KRT26: variants seen among roughly 807,000 people sequenced by gnomAD.
KRT26 encodes the protein keratin, type I cytoskeletal 26.
A neutral mutation model predicts 46.1 loss-of-function variants in KRT26; 45 were observed. The observed-to-expected ratio is 0.98, with a 90% CI of 0.77 to 1.25. The LOEUF (loss-of-function observed/expected upper bound fraction) is 1.25. Ranked by LOEUF, KRT26 falls within the 50% of genes most tolerant of loss-of-function variation. The pLI is 0.00. For missense variants in KRT26, 582 were observed against 560.1 expected, an observed-to-expected ratio of 1.04 and a Z score of -0.39; for synonymous variants, 191 against 209.9, an observed-to-expected ratio of 0.91 and a Z score of 0.78.
chr17:40,766,566 AGAGG>A lies in KRT26; in HGVS notation c.1352_1355del (p.Ser451LeufsTer3). ...GCTCTACTGTAATGTTGCTTATTTT[AGAGG>A]ACTTTTCTTCAACTGAGTGGACTCT... On this transcript the variant is annotated frameshift_variant, in exon 8 of 8. Transcript: ENST00000335552. LOFTEE classifies it low-confidence loss of function (END_TRUNC). 6.2e-7 allele frequency: 1 copy of A among 1,613,718 alleles called. No homozygotes were observed. The highest frequency in any genetic ancestry group is 8.5e-7 in the Non-Finnish European group (1 of 1,179,776).
chr17:40,770,377 A>G (rs1248699586), exon 3 of KRT26: 14 of 1,611,230 alleles, frequency 8.7e-6, no homozygotes, highest in Non-Finnish European at 1.1e-5. Flanking sequence ...GTCGGCCTCA[A>G]CACTGTGGTG....
chr17:40,771,284 A>C (rs1344471400), intron 1 of KRT26, 48 bp from the exon 2 acceptor site: 2 of 1,011,030 alleles, frequency 2.0e-6, no homozygotes, highest in South Asian at 2.8e-5. Context: ...AAGTCAAAGG[A>C]GGCTCCAGAC....
rs777892693 is a variant in KRT26, at chr17:40,768,890, A to T, written c.1176T>A (p.Asp392Glu). ...AAGTTAATCTTTACCTTTCTTCTCC[A>T]TCTAGTAAGTTGCAATAAATGTCAA... The change falls in exon 6 of 8, where the codon GAT becomes GAA. Residue 392 changes from aspartate (D) to glutamate (E), a missense_variant. Asp to Glu is a conservative substitution (Grantham distance 45). Coordinates refer to ENST00000335552, the Ensembl canonical transcript of KRT26. 4.0e-6 allele frequency: 6 copies of T among 1,517,632 alleles called. No individual in the cohort carries two copies. The East Asian group carries it at 1.4e-4, about 35-fold the overall frequency. 94.0% of individuals were successfully genotyped at this position (1,517,632 alleles called of 1,614,324 possible).
intron 2 of KRT26, 44 bp from the exon 3 acceptor site, chr17:40,770,453 G>A (rs781562691): frequency 2.0e-6 from 3 of 1,496,788 alleles, no homozygotes; most frequent in Admixed American, 2.2e-5. Context: ...TCGTAGGCAG[G>A]TGCAAAGCAC....
Position 40,766,476 on chromosome 17 carries a change from CTCTCTT to C in KRT26, c.*33_*38del, listed in dbSNP as rs745568124. The C allele has an allele frequency of 1.0e-3, 1,478 of 1,472,666 alleles. 1 individual carries two copies. Among genetic ancestry groups the C allele is most frequent in the Middle Eastern group, 2.3e-3 (11 of 4,704 alleles). The allele number at this position is 1,472,666 out of a possible 1,614,324, so 91.2% of individuals were successfully genotyped here. On this transcript the variant is annotated 3_prime_UTR_variant, in exon 8 of 8. Transcript: ENST00000335552. ...CCTTTCTTTCTTTCTTTCTCTCTCT[CTCTCTT>C]TCTTTCTTTCTTTCCAAATAACTTT...
At chr17:40,767,376 C>T (rs907103698) in intron 7 of KRT26, among the ~76,000 whole-genome samples, 1 of 152,162 alleles carries the variant, frequency 6.6e-6, no homozygotes, top group Non-Finnish European at 1.5e-5. Flanking sequence ...ATTAATTCCT[C>T]ATTTCAATAA....
At chr17:40,767,547 T>A in intron 7 of KRT26, 39 bp downstream of exon 7, 1 of 1,233,744 alleles carries the variant, frequency 8.1e-7, no homozygotes, top group South Asian at 1.4e-5. Flanking sequence ...ATTGATGGAG[T>A]TTAAGGAGTT....
intron 1 of KRT26, 121 bp from the exon 2 acceptor site, chr17:40,771,357 T>C (rs2038219896): frequency 1.6e-6 from 1 of 617,372 alleles, no homozygotes; most frequent in Non-Finnish European, 2.8e-6. Context: ...TTTTTCTATG[T>C]TAAAGAAATC....
At chr17:40,771,331 A>T in intron 1 of KRT26, 95 bp from the exon 2 acceptor site, 1 of 682,506 alleles carries the variant, frequency 1.5e-6, no homozygotes, top group Non-Finnish European at 2.5e-6. Flanking sequence ...TCTGTCAAAC[A>T]TCTGTTTTAG....
At position 40,770,006 on chromosome 17, in the gene KRT26, C is replaced by T. The variant is rs762041840; in HGVS notation, c.798G>A (p.Leu266=). Residue 266 remains leucine, a synonymous_variant, in exon 4 of 8, where the codon TTG becomes TTA. Transcript: ENST00000335552. ...CAGCATCTTTGCGGTTCTGCTCAGC[C>T]AAGTCCTCATACTCAGCCCTCATGT... 3.7e-6 allele frequency: 6 copies of T among 1,614,178 alleles called. No homozygotes were observed. The South Asian group carries it at 5.5e-5, about 15-fold the overall frequency.
At chr17:40,770,038 A>C (rs2038207847) in exon 4 of KRT26, 1 of 1,614,118 alleles carries the variant, frequency 6.2e-7, no homozygotes, top group Non-Finnish European at 8.5e-7. Flanking sequence ...ATGTTGTTCA[A>C]CAGGACAGTT....
chr17:40,772,109 G>T (rs200791689), exon 1 of KRT26: 1 of 1,613,528 alleles, frequency 6.2e-7, no homozygotes, highest in East Asian at 2.2e-5. Context: ...AAGTCGAAAA[G>T]ACATGGTGGC....
At chr17:40,770,279 T>C in exon 3 of KRT26, 1 of 1,614,114 alleles carries the variant, frequency 6.2e-7, no homozygotes, top group East Asian at 2.2e-5. Context: ...TTGAGGTAGG[T>C]CAATTCCTCA....
intron 6 of KRT26, among the ~76,000 whole-genome samples, chr17:40,768,096 G>A (rs2038185719): frequency 6.6e-6 from 1 of 152,186 alleles, no homozygotes; most frequent in Non-Finnish European, 1.5e-5. Flanking sequence ...GTGGTGTAAT[G>A]AGTGCTTTGT....
exon 1 of KRT26, chr17:40,771,775 C>T: frequency 1.2e-6 from 2 of 1,614,204 alleles, no homozygotes; most frequent in Non-Finnish European, 1.7e-6. Context: ...CCTTGATCTT[C>T]TGCTCCAGGT....
intron 6 of KRT26, among the ~76,000 whole-genome samples, chr17:40,768,398 C>A (rs534641921): frequency 4.7e-4 from 72 of 152,348 alleles, no homozygotes; most frequent in Admixed American, 3.3e-3. Flanking sequence ...TCATAATTCA[C>A]CCAGTATTTG....
At chr17:40,766,951 G>A (rs62065887) in intron 7 of KRT26, among the ~76,000 whole-genome samples, 7,974 of 152,238 alleles carry the variant, frequency 0.052, 262 homozygotes, top group Middle Eastern at 0.13. Flanking sequence ...TGTTGACCAG[G>A]CTGGTCTCGA....
Position 40,771,655 on chromosome 17 carries a change from C to T in KRT26, c.441+18G>A. 6.3e-7 allele frequency: 1 copy of T among 1,585,164 alleles called. No individual in the cohort carries two copies. Among genetic ancestry groups the T allele is most frequent in the Non-Finnish European group, 8.6e-7 (1 of 1,162,030 alleles). ...ACACAAAGTCTGTAGTAAAAGTATG[C>T]AAATCCCTATTTCTTACCTGCCTTT... On this transcript the variant is annotated intron_variant, in intron 1 of 7. Coordinates refer to ENST00000335552, the Ensembl canonical transcript of KRT26.
intron 7 of KRT26, among the ~76,000 whole-genome samples, 156 bp from the exon 8 acceptor site, chr17:40,766,822 C>T (rs548041046): frequency 2.0e-5 from 3 of 152,284 alleles, no homozygotes; most frequent in Admixed American, 2.0e-4. Flanking sequence ...TCACTGCAGC[C>T]TCTGCCTCCC....
Sources: gnomAD v4.1 joint callset for allele counts (sites outside exome capture counted in the v4.1 genomes callset) on GRCh38, gnomAD v4.1.1 for gene constraint, MANE v1.5 for transcripts, NCBI Gene and HGNC (gene_info 2026-07-23, HGNC 2026-07-21) for gene names.